Variants in MAPK15 observed in about 807,000 individuals in gnomAD.
MAPK15 encodes mitogen-activated protein kinase 15.
Under a neutral mutation model 60.8 loss-of-function variants are expected in MAPK15, and 61 were observed. The ratio of observed to expected loss-of-function variants is 1.00; its 90% CI spans 0.82 to 1.24. The LOEUF is 1.24. Among genes scored for constraint, MAPK15 ranks in the 50% most tolerant of loss-of-function variants. The probability of loss-of-function intolerance (pLI) is 0.00; values close to 1 mark genes in which losing one functional copy is unlikely to be tolerated. For missense variants in MAPK15, 808 were observed against 741.1 expected (o/e 1.09, Z -1.05); for synonymous variants, 356 against 319.9 (o/e 1.11, Z -1.21).
At chr8:143,722,044 G>A (rs782263504) in intron 13 of MAPK15, 31 bp from the exon 14 acceptor site, 18 of 1,598,018 alleles carry the variant, frequency 1.1e-5, no homozygotes, top group East Asian at 4.5e-5. Flanking sequence ...CCCTCTGATG[G>A]CCCCTTTATG....
At position 143,719,406 on chromosome 8, in the gene MAPK15, A is replaced by C; in HGVS notation, c.645A>C (p.Arg215Ser). Reference protein sequence around the residue: ...GCILGEMLRGRPLFPGTSTLH... With the variant: ...GCILGEMLRGSPLFPGTSTLH... ...TCCTGGGGGAGATGCTGCGGGGGAGACCCCTGTTCCCCGGCACGTCCACCC... is the reference window on the plus strand; with the variant it reads ...TCCTGGGGGAGATGCTGCGGGGGAGCCCCCTGTTCCCCGGCACGTCCACCC... The change falls in exon 7 of 14, where the codon AGA becomes AGC. Residue 215 changes from arginine (R) to serine (S), a missense_variant. Transcript: ENST00000338033. 6.2e-7 allele frequency: 1 copy of C among 1,609,496 alleles called. No individual in the cohort carries two copies. Among genetic ancestry groups the C allele is most frequent in the Non-Finnish European group, 8.5e-7 (1 of 1,178,376 alleles).
chr8:143,720,863 C>G lies in MAPK15; in HGVS notation c.917+23C>G. The G allele has an allele frequency of 6.2e-7, 1 of 1,607,298 alleles. No homozygotes were observed. On this transcript the variant is annotated intron_variant, in intron 9 of 13. Coordinates refer to ENST00000338033, the MANE Select transcript of MAPK15 (RefSeq NM_139021.3). The surrounding 1 kb of genome is among the most constrained non-coding windows in gnomAD (Gnocchi z 4.6). The stretch of plus-strand genomic sequence containing the variant: ...GAGGTGGGGGTGGGAGAGAGTCCCC[C>G]AAGTGCGGGGGGACAGAGGTGGGGG...
At position 143,722,285 on chromosome 8, in the gene MAPK15, C is replaced by A; in HGVS notation, c.*34C>A. 2 of 1,513,668 alleles carry A rather than the reference C, an allele frequency of 1.3e-6. No individual in the cohort carries two copies. The highest frequency in any genetic ancestry group is 1.8e-6 in the Non-Finnish European group (2 of 1,129,864). The allele number at this position is 1,513,668 out of a possible 1,614,324, so 93.8% of individuals were successfully genotyped here. A position where few individuals can be genotyped will look rare whatever the true frequency, so the allele number is the denominator to read the frequency against. ...ACTCCCTTCACCTGGCCCTCTGTTC[C>A]TGCCCCAGCCCCTTCCCCAGACCCC... On this transcript the variant is annotated 3_prime_UTR_variant, in exon 14 of 14. Transcript: ENST00000338033.
chr8:143,718,035 C>T lies in MAPK15; in HGVS notation c.166-12C>T. The stretch of plus-strand genomic sequence containing the variant: ...TCCACCCACCCACACACCTGTGTTT[C>T]TGTCTCTTCAGAGAACATTCCGGGA... On this transcript the variant is annotated splice_polypyrimidine_tract_variant and intron_variant, in intron 2 of 13. Transcript: ENST00000338033. 6.2e-7 allele frequency: 1 copy of T among 1,614,104 alleles called. No individual in the cohort carries two copies. Among genetic ancestry groups the T allele is most frequent in the Non-Finnish European group, 8.5e-7 (1 of 1,179,994 alleles).
At chr8:143,717,268 A>G (rs1221042544) in intron 1 of MAPK15, among the ~76,000 whole-genome samples, 3 of 152,166 alleles carry the variant, frequency 2.0e-5, no homozygotes, top group Admixed American at 6.5e-5. Context: ...CCACGCAGCG[A>G]GAGATGCCAG....
rs781795310 is a variant in MAPK15, at chr8:143,718,061, A to G, written c.180A>G (p.Glu60=). Residue 60 remains glutamate, a synonymous_variant, in exon 3 of 14, where the codon GAA becomes GAG. Transcript: ENST00000338033. ...TGTCTCTTCAGAGAACATTCCGGGAAATCACGCTCCTCCAGGTGAGTGGCC... is the reference window on the plus strand; with the variant it reads ...TGTCTCTTCAGAGAACATTCCGGGAGATCACGCTCCTCCAGGTGAGTGGCC... ...DKTDAQRTFR[E]ITLLQEFGDH... 6.8e-6 allele frequency: 11 copies of G among 1,613,936 alleles called. No homozygotes were observed. Among genetic ancestry groups the G allele is most frequent in the Non-Finnish European group, 8.5e-6 (10 of 1,179,992 alleles).
chr8:143,718,222 A>C lies in MAPK15; in HGVS notation c.206A>C (p.Asp69Ala), dbSNP rs782229599. Residue 69 changes from aspartate to alanine, a missense_variant, in exon 4 of 14, where the codon GAC becomes GCC. Asp to Ala is a moderately radical substitution (Grantham distance 126). Transcript: ENST00000338033. ...REITLLQEFG[D>A]HPNIISLLDV... Reference sequence around the variant, plus strand: ...CGACTCTCTCCCCAGGAGTTTGGGGACCATCCCAACATCATCAGCCTCCTT... The same window carrying C: ...CGACTCTCTCCCCAGGAGTTTGGGGCCCATCCCAACATCATCAGCCTCCTT... The C allele has an allele frequency of 1.4e-5, 23 of 1,613,946 alleles. No individual in the cohort carries two copies. The highest frequency in any genetic ancestry group is 1.7e-5 in the Non-Finnish European group (20 of 1,179,988).
At position 143,720,032 on chromosome 8, in the gene MAPK15, AG is replaced by A. The variant is rs1817984348; in HGVS notation, c.722-194del. 6.6e-6 allele frequency among the ~76,000 whole-genome samples: 1 copy of A among 152,072 alleles called. No homozygotes were observed. Among genetic ancestry groups the A allele is most frequent in the Non-Finnish European group, 1.5e-5 (1 of 67,992 alleles). ...AGGGCCAGGTGCCCGAGTGTGGAGC[AG>A]GGGTCATGTGCGGGTGCTCCCGTGC... On this transcript the variant is annotated intron_variant, in intron 7 of 13. Coordinates refer to ENST00000338033, the MANE Select transcript of MAPK15 (RefSeq NM_139021.3). This position sits in a 1 kb window ranked among gnomAD's most constrained non-coding sequence, Gnocchi z 4.6.
At position 143,720,367 on chromosome 8, in the gene MAPK15, G is replaced by A. The variant is rs926082065; in HGVS notation, c.779+80G>A. ...GGCCACCTTCCTGCAAGTTTACTGG[G>A]GCCAGTTTGTACCAGTTCAGATTCT... On this transcript the variant is annotated intron_variant, in intron 8 of 13. Coordinates refer to ENST00000338033, the MANE Select transcript of MAPK15 (RefSeq NM_139021.3). The surrounding 1 kb of genome is among the most constrained non-coding windows in gnomAD (Gnocchi z 4.6). The A allele has an allele frequency of 4.7e-6, 7 of 1,474,584 alleles. No individual in the cohort carries two copies. Among genetic ancestry groups the A allele is most frequent in the African/African-American group, 1.4e-5 (1 of 70,820 alleles). The allele number at this position is 1,474,584 out of a possible 1,614,324, so 91.3% of individuals were successfully genotyped here.
rs200062409 is a variant in MAPK15 at position 143,721,552 on chromosome 8, C to T, written c.1208C>T (p.Ser403Phe). ...GGTTGACCCACTGACCCCACAGAGT[C>T]CCCCCGTGCAGCCAAGAACGTTCCC... ...SPGHDPAEHE[S>F]PRAAKNVPRQ... The change falls in exon 12 of 14, where the codon TCC becomes TTC. Residue 403 changes from serine to phenylalanine, a missense_variant. Physicochemically the swap from Ser to Phe is radical, Grantham distance 155. Transcript: ENST00000338033. 3 of 1,613,468 alleles carry T rather than the reference C, an allele frequency of 1.9e-6. No homozygotes were observed. The East Asian group carries it at 6.7e-5, about 36-fold the overall frequency.
intron 1 of MAPK15, 129 bp downstream of exon 1, chr8:143,716,572 G>A: frequency 1.3e-6 from 1 of 771,992 alleles, no homozygotes; most frequent in South Asian, 2.3e-5. Flanking sequence ...TCCTCCGTAG[G>A]CGGGAGAGGT....
rs1817812382 is a variant in MAPK15 at position 143,716,449 on chromosome 8, T to G, written c.66+6T>G. ...GGCGGCAGCTCGGGCAGGGGGTGAG[T>G]GCCTGGGGGTGCGTCCGCGCGCCGA... On this transcript the variant is annotated splice_donor_region_variant and intron_variant, in intron 1 of 13. Transcript: ENST00000338033. 6.3e-7 allele frequency: 1 copy of G among 1,595,320 alleles called. No homozygotes were observed.
rs782065132 is a variant in MAPK15, at chr8:143,718,914, C to A, written c.417+9C>A. ...TGCACCGGGACCAGAAGGTGCGGTT[C>A]CCCCGCCCCCGCTATGCCACGTGGC... On this transcript the variant is annotated intron_variant, in intron 5 of 13. Transcript: ENST00000338033. The A allele has an allele frequency of 6.3e-7, 1 of 1,599,392 alleles. No individual in the cohort carries two copies.
chr8:143,717,228 A>C (rs1554618530), intron 1 of MAPK15, among the ~76,000 whole-genome samples: 2 of 152,160 alleles, frequency 1.3e-5, no homozygotes, highest in African/African-American at 4.8e-5. Flanking sequence ...CGGGAGCGGC[A>C]GACGGAGATG....
rs1554619358 is a variant in MAPK15 at position 143,720,031 on chromosome 8, C to G, written c.722-199C>G. Among the ~76,000 whole-genome samples the G allele has an allele frequency of 6.6e-6, 1 of 152,136 alleles. No individual in the cohort carries two copies. Among genetic ancestry groups the G allele is most frequent in the East Asian group, 1.9e-4 (1 of 5,180 alleles). ...CAGGGCCAGGTGCCCGAGTGTGGAG[C>G]AGGGGTCATGTGCGGGTGCTCCCGT... On this transcript the variant is annotated intron_variant, in intron 7 of 13. Coordinates refer to ENST00000338033, the MANE Select transcript of MAPK15 (RefSeq NM_139021.3). This position sits in a 1 kb window ranked among gnomAD's most constrained non-coding sequence, Gnocchi z 4.6.
intron 1 of MAPK15, among the ~76,000 whole-genome samples, chr8:143,717,438 C>T (rs1427566537): frequency 6.6e-6 from 1 of 152,140 alleles, no homozygotes; most frequent in Non-Finnish European, 1.5e-5. Context: ...CCCCGAGCTT[C>T]ATTTCCTGCC....
intron 2 of MAPK15, 118 bp downstream of exon 2, chr8:143,717,910 G>A: frequency 6.7e-7 from 1 of 1,500,344 alleles, no homozygotes. Context: ...GTTCTGGCCT[G>A]TCTCGGAACA....
intron 1 of MAPK15, among the ~76,000 whole-genome samples, chr8:143,717,039 T>C (rs1424365138): frequency 1.1e-4 from 17 of 152,196 alleles, no homozygotes; most frequent in Middle Eastern, 3.4e-3. Context: ...GGGTTGTGTA[T>C]GTGCAACTGG....
At position 143,718,890 on chromosome 8, in the gene MAPK15, G is replaced by A. The variant is rs962750967; in HGVS notation, c.402G>A (p.Val134=). The part of the protein sequence containing the change: ...ATRFLHSGHV[V]HRDQKPSNVL... ...GGTTCCTCCACTCGGGGCACGTTGT[G>A]CACCGGGACCAGAAGGTGCGGTTCC... Residue 134 remains valine, a synonymous_variant, in exon 5 of 14, where the codon GTG becomes GTA. Transcript: ENST00000338033. 3.1e-6 allele frequency: 5 copies of A among 1,608,128 alleles called. No individual in the cohort carries two copies. The Admixed American group carries it at 8.4e-5, about 27-fold the overall frequency.
Sources: gnomAD v4.1 joint callset for allele counts (sites outside exome capture counted in the v4.1 genomes callset) on GRCh38, gnomAD v4.1.1 for gene constraint, Gnocchi (gnomAD v3.1) non-coding constraint, MANE v1.5 for transcripts, NCBI Gene and HGNC (gene_info 2026-07-23, HGNC 2026-07-21) for gene names.